MTUS1: variants seen among roughly 807,000 people sequenced by gnomAD.
MTUS1 encodes the protein microtubule associated scaffold protein 1.
In MTUS1, 109 loss-of-function variants were observed where a neutral mutation model predicts 120.8. The observed-to-expected ratio is 0.90, with a 90% confidence interval of 0.77 to 1.06. The LOEUF (loss-of-function observed/expected upper bound fraction) is 1.06, where lower values mean the gene tolerates loss of function less well. MTUS1 is among the 50% of genes least tolerant of loss of function. The probability of loss-of-function intolerance (pLI) is 0.00; values close to 1 mark genes in which losing one functional copy is unlikely to be tolerated. For synonymous variants in MTUS1, 737 were observed against 550.5 expected, an observed-to-expected ratio of 1.34 and a Z score of -4.74; for missense variants, 2,210 against 1,486.3, an observed-to-expected ratio of 1.49 and a Z score of -8.01.
intron 1 of MTUS1, among the ~76,000 whole-genome samples, chr8:17,787,185 G>A (rs1381971973): frequency 1.3e-5 from 2 of 152,202 alleles, no homozygotes; most frequent in Non-Finnish European, 2.9e-5. Context: ...GGCCAGCACA[G>A]TTTGTGAGGC....
Position 17,754,166 on chromosome 8 carries a change from T to C in MTUS1, c.1642A>G (p.Arg548Gly). The C allele has an allele frequency of 1.2e-6, 2 of 1,614,006 alleles. No individual in the cohort carries two copies. The highest frequency in any genetic ancestry group is 2.2e-5 in the South Asian group (2 of 91,082). ...SASSPSSVNS[R>G]QQTVLSRTPR... ...GTTCTGCTCAAGACTGTTTGTTGTC[T>C]TGAATTCACTGATGAGGGTGATGAG... The change falls in exon 2 of 15, where the codon AGA (arginine) becomes GGA (glycine). Residue 548 changes from arginine to glycine, a missense_variant. Physicochemically the swap from Arg to Gly is moderately radical, Grantham distance 125. Transcript: ENST00000693296.
intron 2 of MTUS1, among the ~76,000 whole-genome samples, chr8:17,749,384 G>T (rs1419582958): frequency 6.6e-6 from 1 of 151,950 alleles, no homozygotes; most frequent in Non-Finnish European, 1.5e-5. Flanking sequence ...TTAGGCTGGG[G>T]GTGGTGGCTC....
chr8:17,754,615 C>A lies in MTUS1; in HGVS notation c.1193G>T (p.Ser398Ile). ...TQNHTSELILSSPPGQKVGSS... is the reference protein window; with the variant it reads ...TQNHTSELILISPPGQKVGSS... ...GCCCACCTTTTGTCCTGGCGGGCTA[C>A]TTAGAATCAATTCTGAGGTATGATT... Residue 398 changes from serine (S) to isoleucine (I), a missense_variant, in exon 2 of 15, where the codon AGT becomes ATT. By Grantham distance (142) the Ser-to-Ile change is moderately radical. Coordinates refer to ENST00000693296, the MANE Select transcript of MTUS1 (RefSeq NM_001363059.2). 6.2e-7 allele frequency: 1 copy of A among 1,614,192 alleles called. No homozygotes were observed. Among genetic ancestry groups the A allele is most frequent in the Non-Finnish European group, 8.5e-7 (1 of 1,180,024 alleles).
At chr8:17,765,459 A>C (rs1002827498) in intron 1 of MTUS1, among the ~76,000 whole-genome samples, 4 of 151,910 alleles carry the variant, frequency 2.6e-5, no homozygotes, top group South Asian at 2.1e-4. Flanking sequence ...TTCTCTACAA[A>C]ATATACAAAA....
rs754723508 is a variant in MTUS1, at chr8:17,653,206, CTCT to C, written c.3361_3363del (p.Arg1121del). On this transcript the variant is annotated inframe_deletion, in exon 12 of 15. Coordinates refer to ENST00000693296, the MANE Select transcript of MTUS1 (RefSeq NM_001363059.2). ...CTTACCAAATTTGCTTTTTCTCTTG[CTCT>C]TCTTTTTTGTTCTTCTGATTTCAAT... The C allele has an allele frequency of 2.2e-5, 34 of 1,548,034 alleles. No homozygotes were observed. Among genetic ancestry groups the C allele is most frequent in the African/African-American group, 1.5e-4 (11 of 72,320 alleles).
rs1395974229 is a variant in MTUS1, at chr8:17,646,004, G to T, written c.3735C>A (p.Ser1245=). 4.3e-6 allele frequency: 7 copies of T among 1,613,618 alleles called. No individual in the cohort carries two copies. The highest frequency in any genetic ancestry group is 2.5e-6 in the Non-Finnish European group (3 of 1,179,948). ...GCAAAGGGATGGCGGAGGATGTGGGGGATCTCTTGGGGCTACACAGGTCCC... is the reference window on the plus strand; with the variant it reads ...GCAAAGGGATGGCGGAGGATGTGGGTGATCTCTTGGGGCTACACAGGTCCC... ...HNGDLCSPKR[S]PTSSAIPLQS... is the part of the protein sequence containing the mutation. The change falls in exon 15 of 15, where the codon TCC becomes TCA. Residue 1245 remains serine (S), a synonymous_variant. Transcript: ENST00000693296.
At chr8:17,724,726 C>T (rs760090605) in intron 3 of MTUS1, among the ~76,000 whole-genome samples, 10 of 152,156 alleles carry the variant, frequency 6.6e-5, no homozygotes, top group Non-Finnish European at 1.0e-4. Context: ...CGCTCTTAAC[C>T]CTCCTCATGC....
chr8:17,797,152 C>T (rs775967779), intron 1 of MTUS1, among the ~76,000 whole-genome samples: 2 of 152,122 alleles, frequency 1.3e-5, no homozygotes, highest in Non-Finnish European at 2.9e-5. Flanking sequence ...TGGCTCATGC[C>T]TCTAATCCTA....
In MTUS1 at chr8:17,757,364, G is replaced by A. The variant is rs559453598; in HGVS notation, c.-154-1403C>T. On this transcript the variant is annotated intron_variant, in intron 1 of 14. Coordinates refer to ENST00000693296, the MANE Select transcript of MTUS1 (RefSeq NM_001363059.2). ...TGTCCAGAATAAGAAAACCTAAAGT[G>A]GCTGCTAATTGGGATGACGTTTCTT... Among the ~76,000 whole-genome samples, 7 of 152,136 alleles carry A rather than the reference G, an allele frequency of 4.6e-5. No homozygotes were observed. The East Asian group carries it at 9.7e-4, about 21-fold the overall frequency.
intron 1 of MTUS1, among the ~76,000 whole-genome samples, chr8:17,784,437 A>G (rs1172242954): frequency 4.6e-5 from 7 of 151,994 alleles, no homozygotes; most frequent in Non-Finnish European, 1.0e-4. Context: ...CTGGGATTAC[A>G]GGTGCGCACC....
chr8:17,775,323 C>T (rs1586333251), intron 1 of MTUS1, among the ~76,000 whole-genome samples: 1 of 152,054 alleles, frequency 6.6e-6, no homozygotes, highest in Non-Finnish European at 1.5e-5. Context: ...CTAATGGCTT[C>T]ACCTTTGGAT....
At chr8:17,710,660 G>A (rs995195909) in intron 6 of MTUS1, among the ~76,000 whole-genome samples, 8 of 152,132 alleles carry the variant, frequency 5.3e-5, no homozygotes, top group East Asian at 3.9e-4. Context: ...CATGAATCAC[G>A]AATGTTCTTA....
chr8:17,744,689 C>CTTTTTTTTT lies in MTUS1; in HGVS notation c.2092-899_2092-891dup, dbSNP rs58283163. On this transcript the variant is annotated intron_variant, in intron 2 of 14. Coordinates refer to ENST00000693296, the MANE Select transcript of MTUS1 (RefSeq NM_001363059.2). ...TGGAGATGGGGTTTCACCATGTTTTCTTTTTTTTTTTTTTTTTTTTGATTT... is the reference window on the plus strand; with the variant it reads ...TGGAGATGGGGTTTCACCATGTTTTCTTTTTTTTTTTTTTTTTTTTTTTTTTTTTGATTT... Among the ~76,000 whole-genome samples the CTTTTTTTTT allele has an allele frequency of 5.8e-3, 578 of 98,830 alleles. 1 individual carries two copies. The highest frequency in any genetic ancestry group is 8.0e-3 in the African/African-American group (196 of 24,616). The allele number at this position is 98,830 out of a possible 152,430, so 64.8% of individuals were successfully genotyped here. A position where few individuals can be genotyped will look rare whatever the true frequency, so the allele number is the denominator to read the frequency against.
intron 13 of MTUS1, 119 bp from the exon 14 acceptor site, chr8:17,647,198 A>G (rs1051487894): frequency 2.8e-6 from 2 of 705,770 alleles, no homozygotes; most frequent in South Asian, 3.7e-5. Flanking sequence ...ATGCAATTCC[A>G]TATTAAAATA....
intron 3 of MTUS1, 84 bp from the exon 4 acceptor site, chr8:17,723,917 T>C: frequency 9.0e-7 from 1 of 1,115,854 alleles, no homozygotes; most frequent in Non-Finnish European, 1.3e-6. Flanking sequence ...CTCAAACTTC[T>C]GCACTAACAA....
intron 1 of MTUS1, among the ~76,000 whole-genome samples, chr8:17,783,868 G>A (rs543127046): frequency 3.2e-4 from 48 of 152,050 alleles, no homozygotes; most frequent in Non-Finnish European, 5.7e-4. Flanking sequence ...ACAGTGGCCC[G>A]GACCACCACT....
At chr8:17,673,587 G>A (rs1812464297) in intron 8 of MTUS1, among the ~76,000 whole-genome samples, 1 of 152,158 alleles carries the variant, frequency 6.6e-6, no homozygotes, top group African/African-American at 2.4e-5. Context: ...GAGTAGCTGG[G>A]ACAACAGGCA....
At position 17,743,623 on chromosome 8, in the gene MTUS1, G is replaced by A. The variant is rs540889226; in HGVS notation, c.2268C>T (p.Ile756=). The A allele has an allele frequency of 1.9e-5, 30 of 1,613,964 alleles. 1 individual carries two copies. The South Asian group carries it at 2.1e-4, about 11-fold the overall frequency. ...SADRAVSPQR[I]RRVSSSGKPT... is the part of the protein sequence containing the mutation. ...TCTTACCAGAACTGGACACACGCCTGATCCTCTGAGGAGATACGGCTCGAT... is the reference window on the plus strand; with the variant it reads ...TCTTACCAGAACTGGACACACGCCTAATCCTCTGAGGAGATACGGCTCGAT... The change falls in exon 3 of 15, where the codon ATC becomes ATT. Residue 756 remains isoleucine (I), a synonymous_variant. Transcript: ENST00000693296.
intron 1 of MTUS1, among the ~76,000 whole-genome samples, chr8:17,772,009 G>A (rs143838076): frequency 6.6e-6 from 1 of 152,166 alleles, no homozygotes; most frequent in African/African-American, 2.4e-5. Context: ...AATTGTGCAG[G>A]GTAGTGGCCT....
Sources: gnomAD v4.1 joint callset for allele counts (sites outside exome capture counted in the v4.1 genomes callset) on GRCh38, gnomAD v4.1.1 for gene constraint, MANE v1.5 for transcripts, NCBI Gene and HGNC (gene_info 2026-07-23, HGNC 2026-07-21) for gene names.